The following RBFOX3 variants were observed in gnomAD, a reference collection of about 807,000 sequenced individuals.
RBFOX3 encodes RNA binding fox-1 homolog 3, also known as RNA binding protein fox-1 homolog 3.
Under a neutral mutation model 48.7 loss-of-function variants are expected in RBFOX3, and 17 were observed. That is an observed-to-expected ratio of 0.35 (90% confidence interval 0.24 to 0.52). The LOEUF is 0.52. RBFOX3 is among the 20% of genes least tolerant of loss of function. RBFOX3 has a pLI of 0.94. For missense variants in RBFOX3, 382 were observed against 497.5 expected (o/e 0.77, Z 2.21); for synonymous variants, 212 against 209.5 (o/e 1.01, Z -0.10).
rs1458723496 is a variant in RBFOX3 at position 79,480,600 on chromosome 17, C to T, written c.-175+1854G>A. On this transcript the variant is annotated intron_variant, in intron 2 of 14. Transcript: ENST00000693108. The surrounding 1 kb of genome is among the most constrained non-coding windows in gnomAD (Gnocchi z 4.8). ...CTCCACCTGCACAGCCCCCGGACCC[C>T]GTGATGCCAGCCCCTCCTGCTACTT... is the stretch of plus-strand genomic sequence containing the variant. 5.9e-5 allele frequency among the ~76,000 whole-genome samples: 9 copies of T among 152,184 alleles called. No individual in the cohort carries two copies. Among genetic ancestry groups the T allele is most frequent in the Non-Finnish European group, 7.3e-5 (5 of 68,048 alleles).
At chr17:79,182,501 C>T (rs1033582887) in intron 4 of RBFOX3, among the ~76,000 whole-genome samples, 1 of 152,166 alleles carries the variant, frequency 6.6e-6, no homozygotes, top group Non-Finnish European at 1.5e-5. Flanking sequence ...ACTAATTCCG[C>T]ATTGGGTGGC....
At chr17:79,576,363 C>A (rs1223371711) in intron 1 of RBFOX3, among the ~76,000 whole-genome samples, 20 of 149,284 alleles carry the variant, frequency 1.3e-4, no homozygotes, top group Non-Finnish European at 1.2e-4. Flanking sequence ...GATGGAGAAG[C>A]TGGAGATCAT....
intron 2 of RBFOX3, among the ~76,000 whole-genome samples, chr17:79,427,855 T>C (rs2067673422): frequency 1.3e-5 from 2 of 152,218 alleles, no homozygotes; most frequent in South Asian, 4.1e-4. Context: ...TATGCACACA[T>C]GAACACGTGT....
chr17:79,472,898 C>G (rs935090086), intron 2 of RBFOX3, among the ~76,000 whole-genome samples: 10 of 152,172 alleles, frequency 6.6e-5, no homozygotes, highest in Non-Finnish European at 8.8e-5. Context: ...TCTGGACCTA[C>G]ATTTTTGTTT....
chr17:79,619,029 C>T, the RBFOX3 span, among the ~76,000 whole-genome samples: 137 of 152,276 alleles, frequency 9.0e-4, no homozygotes, highest in African/African-American at 3.2e-3. Flanking sequence ...CAGTCGAAAC[C>T]ATAATCATAT....
At chr17:79,616,553 G>A in the RBFOX3 span, among the ~76,000 whole-genome samples, 6 of 137,564 alleles carry the variant, frequency 4.4e-5, no homozygotes, top group East Asian at 4.3e-4. Context: ...AAAAAAAAAA[G>A]AATGGATCTC....
intron 4 of RBFOX3, among the ~76,000 whole-genome samples, chr17:79,229,744 G>T (rs1257040939): frequency 6.6e-6 from 1 of 152,048 alleles, no homozygotes; most frequent in Non-Finnish European, 1.5e-5. Context: ...GACTTCTCCA[G>T]GGAAATTCTC....
intron 3 of RBFOX3, among the ~76,000 whole-genome samples, chr17:79,267,459 C>T (rs141014974): frequency 0.035 from 5,327 of 152,058 alleles, 299 homozygotes; most frequent in African/African-American, 0.12. Context: ...GGCGCGATCT[C>T]GGCTTACTGC....
At chr17:79,368,298 G>C (rs201040391) in intron 2 of RBFOX3, among the ~76,000 whole-genome samples, 2 of 138,464 alleles carry the variant, frequency 1.4e-5, no homozygotes, top group Non-Finnish European at 3.2e-5. Flanking sequence ...CAGCTGAGGA[G>C]AGACCTCCCC....
At chr17:79,092,206 A>G in intron 14 of RBFOX3, 2 of 985,512 alleles carry the variant, frequency 2.0e-6, no homozygotes, top group South Asian at 9.4e-5. Context: ...GGAGGCCAGG[A>G]AATGTGGCTC....
chr17:79,286,692 T>C (rs1469864606), intron 3 of RBFOX3, among the ~76,000 whole-genome samples: 1 of 152,056 alleles, frequency 6.6e-6, no homozygotes, highest in African/African-American at 2.4e-5. Flanking sequence ...ACTTTCTGGT[T>C]CTTCTCCCTT....
intron 4 of RBFOX3, among the ~76,000 whole-genome samples, chr17:79,193,449 C>T (rs755724214): frequency 7.9e-5 from 12 of 152,158 alleles, no homozygotes; most frequent in Non-Finnish European, 1.2e-4. Context: ...CACCTCCCCC[C>T]GCCAACCCCC....
intron 2 of RBFOX3, among the ~76,000 whole-genome samples, chr17:79,335,294 G>A (rs1002627236): frequency 6.6e-6 from 1 of 152,230 alleles, no homozygotes; most frequent in East Asian, 1.9e-4. Flanking sequence ...AGATGCCTAG[G>A]ACAGAGTCTG....
At chr17:79,146,727 T>G (rs2043113838) in intron 4 of RBFOX3, among the ~76,000 whole-genome samples, 2 of 152,162 alleles carry the variant, frequency 1.3e-5, no homozygotes, top group African/African-American at 4.8e-5. Context: ...CCAGAAAAGC[T>G]TCTCCATGGG....
At chr17:79,213,465 G>C (rs2058639861) in intron 4 of RBFOX3, among the ~76,000 whole-genome samples, 1 of 152,246 alleles carries the variant, frequency 6.6e-6, no homozygotes, top group Non-Finnish European at 1.5e-5. Flanking sequence ...AGACGGGGGA[G>C]GGTGAGATGA....
At chr17:79,264,410 A>C (rs1212829904) in intron 3 of RBFOX3, among the ~76,000 whole-genome samples, 1 of 150,658 alleles carries the variant, frequency 6.6e-6, no homozygotes. Context: ...TCACTATGTT[A>C]TCCAGGCTGT....
intron 2 of RBFOX3, among the ~76,000 whole-genome samples, chr17:79,393,422 G>T (rs117101362): frequency 6.6e-6 from 1 of 152,260 alleles, no homozygotes. Flanking sequence ...GTGAGCAGCC[G>T]CAGGGAAACG....
rs116729138 is a variant in RBFOX3 at position 79,403,521 on chromosome 17, G to A, written c.-175+78933C>T. Among the ~76,000 whole-genome samples, 737 of 152,290 alleles carry A rather than the reference G, an allele frequency of 4.8e-3. 8 individuals are homozygous for A. The highest frequency in any genetic ancestry group is 0.017 in the African/African-American group (704 of 41,580). On this transcript the variant is annotated intron_variant, in intron 2 of 14. Coordinates refer to ENST00000693108, the MANE Select transcript of RBFOX3 (RefSeq NM_001350451.2). ...AGCCCCACCATGGACTTCCACCCCC[G>A]TCAGCCCCACAGCTCCACAGGTCCA... is the stretch of plus-strand genomic sequence containing the variant.
intron 1 of RBFOX3, among the ~76,000 whole-genome samples, chr17:79,518,446 G>A (rs1004839145): frequency 1.8e-4 from 28 of 152,366 alleles, no homozygotes; most frequent in Admixed American, 4.6e-4. Context: ...CAAGTCCTCC[G>A]GGTCGGATGG....
Sources: allele counts gnomAD v4.1 joint callset (sites outside exome capture counted in the v4.1 genomes callset), GRCh38; gene constraint gnomAD v4.1.1; non-coding constraint Gnocchi (gnomAD v3.1); transcripts MANE v1.5; gene names NCBI Gene and HGNC (gene_info 2026-07-23, HGNC 2026-07-21).